Variants in PPP2R3A observed in about 807,000 individuals in gnomAD.
PPP2R3A encodes the protein protein phosphatase 2 regulatory subunit B''alpha, also known as serine/threonine-protein phosphatase 2A regulatory subunit B'' subunit alpha.
Under a neutral mutation model 106.9 loss-of-function variants are expected in PPP2R3A, and 80 were observed. That is an observed-to-expected ratio of 0.75 (90% confidence interval 0.62 to 0.90). The LOEUF is 0.90. Ranked by LOEUF, PPP2R3A falls within the 40% of genes least tolerant of loss-of-function variation. PPP2R3A has a pLI of 0.00. For missense variants in PPP2R3A, 1,386 were observed against 1,350.4 expected, an observed-to-expected ratio of 1.03 and a Z score of -0.41; for synonymous variants, 483 against 468.3, an observed-to-expected ratio of 1.03 and a Z score of -0.41.
chr3:136,098,503 T>A (rs1421250296), intron 10 of PPP2R3A, among the ~76,000 whole-genome samples: 1 of 152,206 alleles, frequency 6.6e-6, no homozygotes, highest in African/African-American at 2.4e-5. Flanking sequence ...CCATTAAAGG[T>A]GTGGTTCTTA....
At position 136,146,942 on chromosome 3, in the gene PPP2R3A, A is replaced by AT. The variant is rs1257725734; in HGVS notation, c.*1777dup. Reference sequence around the variant, plus strand: ...TTATTATCCATAATGATCTAAACTAATAAGATTCACCAAAAAGTAAAAATT... The same window carrying AT: ...TTATTATCCATAATGATCTAAACTAATTAAGATTCACCAAAAAGTAAAAATT... On this transcript the variant is annotated 3_prime_UTR_variant, in exon 14 of 14. Transcript: ENST00000264977. 2 of 152,034 alleles carry AT rather than the reference A, an allele frequency of 1.3e-5. No individual in the cohort carries two copies. Among genetic ancestry groups the AT allele is most frequent in the Admixed American group, 1.3e-4 (2 of 15,252 alleles). 9.4% of individuals were successfully genotyped at this position (152,034 alleles called of 1,614,324 possible). A position where few individuals can be genotyped will look rare whatever the true frequency, so the allele number is the denominator to read the frequency against.
At chr3:136,124,275 G>A (rs1423954900) in intron 13 of PPP2R3A, among the ~76,000 whole-genome samples, 2 of 152,248 alleles carry the variant, frequency 1.3e-5, no homozygotes, top group African/African-American at 4.8e-5. Flanking sequence ...AGATTGCGTG[G>A]GGCCAGGAGT....
intron 2 of PPP2R3A, among the ~76,000 whole-genome samples, chr3:136,017,859 C>A (rs1307062118): frequency 6.6e-6 from 1 of 152,232 alleles, no homozygotes; most frequent in Non-Finnish European, 1.5e-5. Flanking sequence ...GCTTTGCTGC[C>A]TGCATTATTC....
At chr3:136,105,607 T>C (rs1013150649) in intron 12 of PPP2R3A, among the ~76,000 whole-genome samples, 2 of 151,654 alleles carry the variant, frequency 1.3e-5, no homozygotes, top group African/African-American at 2.4e-5. Context: ...CAGTAAGCTA[T>C]TGGTGCACCA....
intron 1 of PPP2R3A, among the ~76,000 whole-genome samples, chr3:135,975,746 A>G (rs1263337439): frequency 1.3e-5 from 2 of 152,178 alleles, no homozygotes; most frequent in African/African-American, 2.4e-5. Flanking sequence ...GAAAGGTGGA[A>G]TTGCTGAGTC....
intron 10 of PPP2R3A, among the ~76,000 whole-genome samples, chr3:136,101,384 C>G (rs1312813094): frequency 6.6e-6 from 1 of 152,138 alleles, no homozygotes; most frequent in Non-Finnish European, 1.5e-5. Context: ...GTTCAACTTT[C>G]ATAATGTGAA....
At chr3:136,046,588 A>C (rs1241875974) in intron 4 of PPP2R3A, among the ~76,000 whole-genome samples, 4 of 152,216 alleles carry the variant, frequency 2.6e-5, no homozygotes, top group Non-Finnish European at 4.4e-5. Flanking sequence ...AAGTAAAAAC[A>C]AAAAAGCTCC....
chr3:136,088,290 C>T (rs1365009558), intron 9 of PPP2R3A, among the ~76,000 whole-genome samples: 1 of 152,132 alleles, frequency 6.6e-6, no homozygotes, highest in Non-Finnish European at 1.5e-5. Flanking sequence ...CCATTGTTCC[C>T]ATCTTTATGT....
At chr3:135,998,761 A>G (rs1487963884) in intron 1 of PPP2R3A, among the ~76,000 whole-genome samples, 2 of 152,242 alleles carry the variant, frequency 1.3e-5, no homozygotes, top group African/African-American at 2.4e-5. Flanking sequence ...ATTTATTTAT[A>G]TGATAGAATG....
chr3:136,015,917 A>G (rs965689121), intron 2 of PPP2R3A, among the ~76,000 whole-genome samples: 2 of 151,800 alleles, frequency 1.3e-5, no homozygotes, highest in African/African-American at 2.4e-5. Flanking sequence ...TAGATTGTCT[A>G]TTTGTGGTCT....
intron 13 of PPP2R3A, among the ~76,000 whole-genome samples, chr3:136,115,149 C>T (rs921896266): frequency 2.0e-5 from 3 of 152,216 alleles, no homozygotes; most frequent in African/African-American, 4.8e-5. Flanking sequence ...CTCCAGCAAA[C>T]TCCAGCACAC....
At chr3:135,996,710 A>G (rs754963507) in intron 1 of PPP2R3A, among the ~76,000 whole-genome samples, 13 of 152,098 alleles carry the variant, frequency 8.5e-5, no homozygotes, top group South Asian at 2.1e-4. Flanking sequence ...TACCATCTCT[A>G]CTTCTACATC....
At position 135,987,887 on chromosome 3, in the gene PPP2R3A, T is replaced by C. The variant is rs138172935; in HGVS notation, c.-440-13172T>C. Among the ~76,000 whole-genome samples, 14 of 152,346 alleles carry C rather than the reference T, an allele frequency of 9.2e-5. 1 individual carries two copies. In the South Asian group the frequency reaches 2.3e-3, roughly 25 times the overall value. ...TATTTCATCATCACAGAAAGTTCCA[T>C]TGGACAGTGCCACTCTGCATGTTTG... On this transcript the variant is annotated intron_variant, in intron 1 of 13. Transcript: ENST00000264977.
intron 1 of PPP2R3A, among the ~76,000 whole-genome samples, chr3:135,985,634 G>C (rs559001992): frequency 1.3e-5 from 2 of 152,196 alleles, no homozygotes; most frequent in South Asian, 4.1e-4. Context: ...TGTCTTACTT[G>C]GAACTCACCA....
At chr3:136,040,270 T>A (rs1047144525) in intron 3 of PPP2R3A, among the ~76,000 whole-genome samples, 2 of 152,240 alleles carry the variant, frequency 1.3e-5, no homozygotes, top group Admixed American at 1.3e-4. Context: ...CCAAGTATAA[T>A]GGCTCACGCC....
chr3:136,136,064 AAAAAAAAAATTATATAT>A lies in PPP2R3A; in HGVS notation c.3330-8977_3330-8961del, dbSNP rs1388158877. On this transcript the variant is annotated intron_variant, in intron 13 of 13. Transcript: ENST00000264977. ...CCGTCTCAAAAAAAAAAAAAAAAAA[AAAAAAAAAATTATATAT>A]ATATATATATATAAAAAACATCATG... Among the ~76,000 whole-genome samples the A allele has an allele frequency of 1.5e-4, 14 of 94,378 alleles. 1 individual carries two copies. Among genetic ancestry groups the A allele is most frequent in the East Asian group, 1.4e-3 (5 of 3,548 alleles). The allele number at this position is 94,378 out of a possible 152,430, so 61.9% of individuals were successfully genotyped here.
In PPP2R3A at chr3:136,002,355, C is replaced by T. The variant is rs543772437; in HGVS notation, c.857C>T (p.Ala286Val). The T allele has an allele frequency of 4.3e-6, 7 of 1,613,824 alleles. No individual in the cohort carries two copies. The Admixed American group carries it at 6.7e-5, about 15-fold the overall frequency. The change falls in exon 2 of 14, where the codon GCA becomes GTA. Residue 286 changes from alanine (A) to valine (V), a missense_variant. Physicochemically the swap from Ala to Val is moderately conservative, Grantham distance 64. Coordinates refer to ENST00000264977, the MANE Select transcript of PPP2R3A (RefSeq NM_002718.5). ...TVYMNVMTRL[A>V]SYLKKLPFEF... Reference sequence around the variant, plus strand: ...TATATGAATGTAATGACCAGGTTAGCATCCTATCTGAAAAAGTTACCATTT... The same window carrying T: ...TATATGAATGTAATGACCAGGTTAGTATCCTATCTGAAAAAGTTACCATTT...
chr3:136,030,993 G>T (rs2107830128), intron 3 of PPP2R3A, among the ~76,000 whole-genome samples: 2 of 151,982 alleles, frequency 1.3e-5, no homozygotes, highest in East Asian at 3.9e-4. Flanking sequence ...CCAGTAGTGG[G>T]ATTGCTGGAT....
chr3:136,077,360 G>T (rs775080255), intron 6 of PPP2R3A, among the ~76,000 whole-genome samples: 6 of 152,146 alleles, frequency 3.9e-5, no homozygotes, highest in Non-Finnish European at 8.8e-5. Flanking sequence ...TATTGAGAAA[G>T]ATGTCCAAAT....
Sources: gnomAD v4.1 joint callset for allele counts (sites outside exome capture counted in the v4.1 genomes callset) on GRCh38, gnomAD v4.1.1 for gene constraint, MANE v1.5 for transcripts, NCBI Gene and HGNC (gene_info 2026-07-23, HGNC 2026-07-21) for gene names.